VAT1L: variants seen among roughly 807,000 people sequenced by gnomAD.
VAT1L encodes the protein vesicle amine transport 1 like.
In VAT1L, 34 loss-of-function variants were observed where a neutral mutation model predicts 44.1. The observed-to-expected ratio is 0.77, with a 90% CI of 0.59 to 1.03. The LOEUF (loss-of-function observed/expected upper bound fraction) is 1.03. VAT1L is among the 50% of genes least tolerant of loss of function. The probability of loss-of-function intolerance (pLI) is 0.00; values close to 1 mark genes in which losing one functional copy is unlikely to be tolerated. For missense variants in VAT1L, 615 were observed against 538.8 expected (o/e 1.14, Z -1.40); for synonymous variants, 253 against 202.2 (o/e 1.25, Z -2.13).
At chr16:77,864,512 G>C (rs139505020) in intron 4 of VAT1L, among the ~76,000 whole-genome samples, 19 of 152,314 alleles carry the variant, frequency 1.2e-4, no homozygotes, top group Non-Finnish European at 2.6e-4. Context: ...AGGCTGAGGT[G>C]GGTGGATCGC....
At chr16:77,892,497 C>G (rs2142468388) in intron 7 of VAT1L, 2 of 547,214 alleles carry the variant, frequency 3.7e-6, no homozygotes, top group South Asian at 2.9e-5. Context: ...GAGCTGTTTG[C>G]AGACAAGTTT....
At chr16:77,899,430 C>T (rs963963131) in intron 7 of VAT1L, among the ~76,000 whole-genome samples, 8 of 152,222 alleles carry the variant, frequency 5.3e-5, no homozygotes, top group African/African-American at 1.9e-4. Context: ...ACAGGTGACA[C>T]TGCATCTCAA....
intron 3 of VAT1L, among the ~76,000 whole-genome samples, chr16:77,836,616 A>C (rs1272939565): frequency 2.0e-5 from 3 of 152,184 alleles, no homozygotes; most frequent in African/African-American, 7.2e-5. Flanking sequence ...CCTTGCTCCC[A>C]GAAATCTCTA....
chr16:77,842,176 C>G (rs191386696), intron 3 of VAT1L, among the ~76,000 whole-genome samples: 178 of 152,244 alleles, frequency 1.2e-3, no homozygotes, highest in African/African-American at 4.2e-3. Context: ...CGTGAGCCAC[C>G]GCGCCCAGTC....
At chr16:77,845,890 T>C (rs2016753871) in intron 3 of VAT1L, among the ~76,000 whole-genome samples, 2 of 152,312 alleles carry the variant, frequency 1.3e-5, no homozygotes, top group Middle Eastern at 3.4e-3. Context: ...CATCCATCTG[T>C]CCATTCGTCC....
At chr16:77,796,261 T>C (rs1052707140) in intron 1 of VAT1L, among the ~76,000 whole-genome samples, 2 of 152,290 alleles carry the variant, frequency 1.3e-5, no homozygotes, top group East Asian at 1.9e-4. Context: ...GAGAAACCAA[T>C]GTCAGGTAGC....
intron 3 of VAT1L, among the ~76,000 whole-genome samples, chr16:77,844,455 C>T (rs1205168104): frequency 1.3e-5 from 2 of 152,106 alleles, no homozygotes; most frequent in East Asian, 3.9e-4. Flanking sequence ...GTCACCCAGA[C>T]TGGAGTGCAG....
intron 7 of VAT1L, among the ~76,000 whole-genome samples, chr16:77,907,813 G>A (rs2017453882): frequency 6.6e-6 from 1 of 152,046 alleles, no homozygotes; most frequent in South Asian, 2.1e-4. Context: ...AGGCAGTTGT[G>A]GTCTATCAAA....
chr16:77,971,714 A>C, intron 7 of VAT1L, 136 bp from the exon 8 acceptor site: 2 of 815,560 alleles, frequency 2.5e-6, no homozygotes. Flanking sequence ...AGCGTCCAAC[A>C]GCAACCTCTT....
At chr16:77,918,998 G>C (rs898212449) in intron 7 of VAT1L, among the ~76,000 whole-genome samples, 2 of 152,200 alleles carry the variant, frequency 1.3e-5, no homozygotes, top group Non-Finnish European at 2.9e-5. Context: ...TTATTCAAGA[G>C]AGTCGTGGCT....
Position 77,893,584 on chromosome 16 carries a change from A to G in VAT1L, c.1077+8782A>G, listed in dbSNP as rs572030934. ...AATAATTACTACTACGACTGCTACT[A>G]CTATTACTACTGCTGCTACTACAGT... On this transcript the variant is annotated intron_variant, in intron 7 of 8. Transcript: ENST00000302536. Among the ~76,000 whole-genome samples, 8 of 152,356 alleles carry G rather than the reference A, an allele frequency of 5.3e-5. No homozygotes were observed. The South Asian group carries it at 1.2e-3, about 24-fold the overall frequency.
chr16:77,852,874 C>T (rs984373266), intron 3 of VAT1L, among the ~76,000 whole-genome samples: 2 of 152,260 alleles, frequency 1.3e-5, no homozygotes, highest in African/African-American at 2.4e-5. Flanking sequence ...CTCTGTGCTT[C>T]GGTTCTTCCA....
chr16:77,890,848 T>C (rs1207424396), intron 7 of VAT1L, among the ~76,000 whole-genome samples: 1 of 151,290 alleles, frequency 6.6e-6, no homozygotes, highest in Non-Finnish European at 1.5e-5. Context: ...GACTTGAGTC[T>C]TGGGGGTGGA....
intron 7 of VAT1L, among the ~76,000 whole-genome samples, chr16:77,951,826 T>G (rs2018046785): frequency 1.2e-5 from 1 of 84,836 alleles, no homozygotes; most frequent in Non-Finnish European, 2.4e-5. Flanking sequence ...TTACAACTTT[T>G]AAAAGTTTAA....
At chr16:77,936,977 C>T (rs1046281111) in intron 7 of VAT1L, among the ~76,000 whole-genome samples, 3 of 152,152 alleles carry the variant, frequency 2.0e-5, no homozygotes, top group African/African-American at 7.2e-5. Flanking sequence ...CTCCACCTAC[C>T]GGGTTCAAGC....
chr16:77,809,100 T>C (rs2145225474), intron 1 of VAT1L, among the ~76,000 whole-genome samples: 2 of 152,358 alleles, frequency 1.3e-5, no homozygotes, highest in Middle Eastern at 6.8e-3. Context: ...GCACAGGCTC[T>C]GGATTTACAT....
At chr16:77,976,129 C>T (rs574948672) in intron 8 of VAT1L, among the ~76,000 whole-genome samples, 1 of 152,316 alleles carries the variant, frequency 6.6e-6, no homozygotes, top group East Asian at 1.9e-4. Context: ...ACACTTGTTG[C>T]ATATGTACCT....
chr16:77,811,371 C>T (rs965882979), intron 1 of VAT1L, among the ~76,000 whole-genome samples: 3 of 152,072 alleles, frequency 2.0e-5, no homozygotes, highest in African/African-American at 7.2e-5. Context: ...TTAGTGATAT[C>T]TTTTAAGAAA....
At chr16:77,851,409 A>C (rs2016807326) in intron 3 of VAT1L, among the ~76,000 whole-genome samples, 1 of 152,160 alleles carries the variant, frequency 6.6e-6, no homozygotes, top group Non-Finnish European at 1.5e-5. Flanking sequence ...AGTGCTTTGG[A>C]AAGCCGAGGT....
Sources: allele counts gnomAD v4.1 joint callset (sites outside exome capture counted in the v4.1 genomes callset), GRCh38; gene constraint gnomAD v4.1.1; transcripts MANE v1.5; gene names NCBI Gene and HGNC (gene_info 2026-07-23, HGNC 2026-07-21).